Variants in LGR6 observed in about 807,000 individuals in gnomAD.
LGR6 encodes the protein leucine-rich repeat-containing G protein-coupled receptor 6.
Under a neutral mutation model 69.4 loss-of-function variants are expected in LGR6, and 45 were observed. The ratio of observed to expected loss-of-function variants is 0.65; its 90% CI spans 0.51 to 0.83. LGR6 has a LOEUF of 0.83. LGR6 is among the 40% of genes least tolerant of loss of function. The pLI, the probability that LGR6 is intolerant of heterozygous loss-of-function variation, is 0.00. For missense variants in LGR6, 1,108 were observed against 1,246.7 expected (o/e 0.89, Z 1.68); for synonymous variants, 538 against 555.0 (o/e 0.97, Z 0.43).
intron 4 of LGR6, among the ~76,000 whole-genome samples, chr1:202,247,402 C>G (rs890371546): frequency 1.3e-5 from 2 of 152,198 alleles, no homozygotes; most frequent in Admixed American, 1.3e-4. Flanking sequence ...GCGCCCTCTC[C>G]CAACCTCAGC....
At chr1:202,295,461 G>GT (rs1255250637) in intron 6 of LGR6, among the ~76,000 whole-genome samples, 1 of 152,072 alleles carries the variant, frequency 6.6e-6, no homozygotes, top group Non-Finnish European at 1.5e-5. Context: ...CCTGCTTTTG[G>GT]AACCTGAGAT....
chr1:202,206,482 C>G (rs1659236600), intron 1 of LGR6, among the ~76,000 whole-genome samples: 1 of 152,246 alleles, frequency 6.6e-6, no homozygotes, highest in African/African-American at 2.4e-5. Flanking sequence ...CACAGTCACA[C>G]AGGGCCCTGT....
intron 4 of LGR6, among the ~76,000 whole-genome samples, chr1:202,265,133 T>C (rs1197156350): frequency 6.6e-6 from 1 of 152,056 alleles, no homozygotes; most frequent in Non-Finnish European, 1.5e-5. Context: ...CTCTCCTCAA[T>C]TGTAAGTGGG....
At chr1:202,224,956 G>A (rs1274238371) in intron 1 of LGR6, among the ~76,000 whole-genome samples, 1 of 152,258 alleles carries the variant, frequency 6.6e-6, no homozygotes. Flanking sequence ...TACTGAATGA[G>A]CCTGCTCCAT....
chr1:202,234,078 G>A (rs1352735248), intron 3 of LGR6, among the ~76,000 whole-genome samples: 2 of 152,236 alleles, frequency 1.3e-5, no homozygotes, highest in Admixed American at 1.3e-4. Context: ...GGCATTGGGT[G>A]GAGCCTGGAT....
intron 16 of LGR6, among the ~76,000 whole-genome samples, chr1:202,311,521 A>C (rs1229518113): frequency 6.6e-6 from 1 of 152,158 alleles, no homozygotes; most frequent in Non-Finnish European, 1.5e-5. Context: ...TTAGCCAGTC[A>C]TGGTGGCATG....
chr1:202,246,460 CATCT>C (rs1253250568), intron 4 of LGR6, among the ~76,000 whole-genome samples: 1 of 139,798 alleles, frequency 7.2e-6, no homozygotes, highest in Non-Finnish European at 1.5e-5. Flanking sequence ...TCCATCCCCC[CATCT>C]GTCTGTCCAT....
chr1:202,194,623 TA>T (rs763061322), intron 1 of LGR6: 1 of 519,134 alleles, frequency 1.9e-6, no homozygotes, highest in East Asian at 5.7e-5. Context: ...CGTGCCCCAG[TA>T]GGGTGGAAAT....
chr1:202,277,223 G>A (rs1665633355), intron 5 of LGR6, among the ~76,000 whole-genome samples: 1 of 152,182 alleles, frequency 6.6e-6, no homozygotes, highest in Non-Finnish European at 1.5e-5. Context: ...GCATGTTAGT[G>A]ACTCTACTGG....
chr1:202,222,443 T>C (rs1660224767), intron 1 of LGR6, among the ~76,000 whole-genome samples: 1 of 152,064 alleles, frequency 6.6e-6, no homozygotes, highest in Non-Finnish European at 1.5e-5. Context: ...TGGAGGGACA[T>C]CAGAGGCTCT....
At chr1:202,314,308 G>GT (rs1358852291) in intron 16 of LGR6, among the ~76,000 whole-genome samples, 3 of 152,222 alleles carry the variant, frequency 2.0e-5, no homozygotes, top group African/African-American at 7.2e-5. Flanking sequence ...TGCTTTGACT[G>GT]TTTCTCTCAC....
At chr1:202,207,755 G>A (rs1289413290) in intron 1 of LGR6, among the ~76,000 whole-genome samples, 5 of 152,184 alleles carry the variant, frequency 3.3e-5, no homozygotes, top group African/African-American at 4.8e-5. Context: ...GGATGACAAC[G>A]ATGCCCTTGT....
At chr1:202,281,916 C>T (rs1260836790) in intron 6 of LGR6, among the ~76,000 whole-genome samples, 1 of 152,104 alleles carries the variant, frequency 6.6e-6, no homozygotes, top group Non-Finnish European at 1.5e-5. Context: ...CTGGGGAAAA[C>T]CATTTGGGAA....
intron 1 of LGR6, chr1:202,225,221 C>G (rs1464080187): frequency 1.9e-6 from 1 of 526,958 alleles, no homozygotes; most frequent in Non-Finnish European, 3.5e-6. Context: ...ACCAAATGAC[C>G]CGGGAGGCCT....
At chr1:202,290,829 C>T (rs1666743873) in intron 6 of LGR6, among the ~76,000 whole-genome samples, 2 of 152,080 alleles carry the variant, frequency 1.3e-5, no homozygotes, top group African/African-American at 4.8e-5. Context: ...GCGCCATTGC[C>T]CTCCAGCCTG....
At chr1:202,204,759 ACACC>A (rs1395694635) in intron 1 of LGR6, among the ~76,000 whole-genome samples, 6 of 82,144 alleles carry the variant, frequency 7.3e-5, no homozygotes, top group Admixed American at 1.3e-4. Flanking sequence ...ACACACACAC[ACACC>A]CCTCCTTCAA....
rs1023604327 is a variant in LGR6 at position 202,276,522 on chromosome 1, G to T, written c.644+1G>T. 1.9e-6 allele frequency: 3 copies of T among 1,611,534 alleles called. No homozygotes were observed. The highest frequency in any genetic ancestry group is 1.7e-6 in the Non-Finnish European group (2 of 1,178,514). ...AGAATCTCACCAGCCTTGTGGTGCTGTGAGTGCTGCTCTGTTCCCCATCCC... is the reference window on the plus strand; with the variant it reads ...AGAATCTCACCAGCCTTGTGGTGCTTTGAGTGCTGCTCTGTTCCCCATCCC... On this transcript the variant is annotated splice_donor_variant, in intron 5 of 17. Coordinates refer to ENST00000367278, the MANE Select transcript of LGR6 (RefSeq NM_001017403.2). LOFTEE classifies it high-confidence loss of function.
rs201866602 is a variant in LGR6 at position 202,276,393 on chromosome 1, T to C, written c.516T>C (p.Asn172=). ...TCCGCCACCTCTGGCTGGACGACAA[T>C]GCACTCACGGAGATCCCTGTCAGGG... ...SSLRHLWLDD[N]ALTEIPVRAL... The change falls in exon 5 of 18, where the codon AAT becomes AAC. Residue 172 remains asparagine, a synonymous_variant. Coordinates refer to ENST00000367278, the MANE Select transcript of LGR6 (RefSeq NM_001017403.2). The C allele has an allele frequency of 7.0e-4, 1,137 of 1,614,168 alleles. 12 individuals are homozygous for C. The South Asian group carries it at 8.5e-3, about 12-fold the overall frequency.
At position 202,304,678 on chromosome 1, in the gene LGR6, C is replaced by G. The variant is rs1323164264; in HGVS notation, c.1070+48C>G. ...CAGTCTTGGCATTGTGCCCCTACCCCCATGTCCCACAAAAGGCCTCTCCTG... is the reference window on the plus strand; with the variant it reads ...CAGTCTTGGCATTGTGCCCCTACCCGCATGTCCCACAAAAGGCCTCTCCTG... On this transcript the variant is annotated intron_variant, in intron 11 of 17. Transcript: ENST00000367278. 10 of 1,469,922 alleles carry G rather than the reference C, an allele frequency of 6.8e-6. 1 individual carries two copies. The Middle Eastern group carries it at 5.2e-4, about 76-fold the overall frequency. The allele number at this position is 1,469,922 out of a possible 1,614,324, so 91.1% of individuals were successfully genotyped here.
Sources: gnomAD v4.1 joint callset for allele counts (sites outside exome capture counted in the v4.1 genomes callset) on GRCh38, gnomAD v4.1.1 for gene constraint, MANE v1.5 for transcripts, NCBI Gene and HGNC (gene_info 2026-07-23, HGNC 2026-07-21) for gene names.